The following AFG3L2 variants were observed in gnomAD, a reference collection of about 807,000 sequenced individuals.
AFG3L2 encodes the protein mitochondrial inner membrane m-AAA protease component AFG3L2.
In AFG3L2, 54 loss-of-function variants were observed where a neutral mutation model predicts 94.5. The ratio of observed to expected loss-of-function variants is 0.57; its 90% CI spans 0.46 to 0.72. The LOEUF (loss-of-function observed/expected upper bound fraction) is 0.72. AFG3L2 is among the 30% of genes least tolerant of loss of function. The pLI is 0.00. For missense variants in AFG3L2, 754 were observed against 994.9 expected (o/e 0.76, Z 3.26); for synonymous variants, 377 against 365.5 (o/e 1.03, Z -0.36).
intron 7 of AFG3L2, among the ~76,000 whole-genome samples, 180 bp downstream of exon 7, chr18:12,359,747 A>G (rs1326617635): frequency 6.6e-6 from 1 of 152,180 alleles, no homozygotes; most frequent in Non-Finnish European, 1.5e-5. Context: ...ACCTCAAAAA[A>G]AAAAGAAAAT....
intron 14 of AFG3L2, chr18:12,342,015 C>T (rs1178142463): frequency 6.6e-6 from 1 of 152,134 alleles, no homozygotes; most frequent in African/African-American, 2.4e-5. Context: ...TATAGGCGTT[C>T]ACCATCATGT....
Position 12,377,160 on chromosome 18 carries a change from G to T in AFG3L2, c.-78C>A, listed in dbSNP as rs1909190689. ...GACGACTGGCGGCCTCGGGAAGCGG[G>T]CTCGGCTCGGGGAAAGGCCGCCAGG... On this transcript the variant is annotated 5_prime_UTR_variant, in exon 1 of 17. Coordinates refer to ENST00000269143, the MANE Select transcript of AFG3L2 (RefSeq NM_006796.3). 8.6e-7 allele frequency: 1 copy of T among 1,159,664 alleles called. No homozygotes were observed. The highest frequency in any genetic ancestry group is 1.2e-6 in the Non-Finnish European group (1 of 858,852). 71.8% of individuals were successfully genotyped at this position (1,159,664 alleles called of 1,614,324 possible).
chr18:12,344,797 C>T (rs1026205507), intron 13 of AFG3L2, among the ~76,000 whole-genome samples: 1 of 152,142 alleles, frequency 6.6e-6, no homozygotes, highest in East Asian at 1.9e-4. Flanking sequence ...AATGCACTCA[C>T]TCCCCCATCC....
chr18:12,362,722 G>A (rs1268836227), intron 6 of AFG3L2, among the ~76,000 whole-genome samples: 2 of 143,876 alleles, frequency 1.4e-5, no homozygotes, highest in Non-Finnish European at 2.9e-5. Context: ...TTAACCCTGT[G>A]CCTGACATGG....
chr18:12,361,265 G>C (rs1908651745), intron 6 of AFG3L2, among the ~76,000 whole-genome samples: 1 of 152,106 alleles, frequency 6.6e-6, no homozygotes, highest in African/African-American at 2.4e-5. Flanking sequence ...AGCTACTTGG[G>C]AGGCATGAAC....
At chr18:12,365,938 A>C (rs996004221) in intron 5 of AFG3L2, among the ~76,000 whole-genome samples, 17 of 142,614 alleles carry the variant, frequency 1.2e-4, no homozygotes, top group African/African-American at 4.6e-4. Flanking sequence ...GCAGTGGTGC[A>C]ATCTCGGCTC....
chr18:12,329,387 G>C lies in AFG3L2; in HGVS notation c.*178C>G, dbSNP rs1018485794. On this transcript the variant is annotated 3_prime_UTR_variant, in exon 17 of 17. Transcript: ENST00000269143. ...CCTCAAGGCCTCCGGAAAGTCACCT[G>C]CCACCCACTGTGACCTCTGAGGCTG... 6 of 715,706 alleles carry C rather than the reference G, an allele frequency of 8.4e-6. No homozygotes were observed. In the African/African-American group the frequency reaches 8.8e-5, roughly 10 times the overall value. 44.3% of individuals were successfully genotyped at this position (715,706 alleles called of 1,614,324 possible).
intron 1 of AFG3L2, 88 bp from the exon 2 acceptor site, chr18:12,371,779 A>C: frequency 9.3e-7 from 1 of 1,072,516 alleles, no homozygotes; most frequent in East Asian, 2.6e-5. Context: ...AGTAGATGAA[A>C]GGTCTCTCTC....
chr18:12,374,653 T>G (rs1340486602), intron 1 of AFG3L2, among the ~76,000 whole-genome samples: 1 of 152,178 alleles, frequency 6.6e-6, no homozygotes, highest in East Asian at 1.9e-4. Context: ...GGGACAATAG[T>G]GTCACTCAAA....
At chr18:12,336,925 C>G (rs1038036416) in intron 16 of AFG3L2, among the ~76,000 whole-genome samples, 1 of 152,150 alleles carries the variant, frequency 6.6e-6, no homozygotes, top group Non-Finnish European at 1.5e-5. Context: ...TACCAATTTC[C>G]TACTTAGCAG....
At chr18:12,371,986 ATGTT>A (rs1909005939) in intron 1 of AFG3L2, among the ~76,000 whole-genome samples, 1 of 152,222 alleles carries the variant, frequency 6.6e-6, no homozygotes, top group East Asian at 1.9e-4. Flanking sequence ...CACTTTGATG[ATGTT>A]TGTTTAATTT....
chr18:12,337,484 G>C lies in AFG3L2; in HGVS notation c.2032C>G (p.Pro678Ala). ...EKVGQISFDL[P>A]RQGDMVLEKP... Reference sequence around the variant, plus strand: ...TCCAATACCATGTCCCCCTGACGTGGGAGGTCAAAGGAGATTTGCCCAACC... The same window carrying C: ...TCCAATACCATGTCCCCCTGACGTGCGAGGTCAAAGGAGATTTGCCCAACC... Residue 678 changes from proline to alanine, a missense_variant, in exon 16 of 17, where the codon CCA (proline) becomes GCA (alanine). Physicochemically the swap from Pro to Ala is conservative, Grantham distance 27 (BLOSUM62 -1). This residue lies in a region of AFG3L2 where 279 missense variants were observed against 378.6 expected (regional missense o/e 0.74). Coordinates refer to ENST00000269143, the MANE Select transcript of AFG3L2 (RefSeq NM_006796.3). 1 of 1,614,214 alleles carries C rather than the reference G, an allele frequency of 6.2e-7. No individual in the cohort carries two copies. Among genetic ancestry groups the C allele is most frequent in the Non-Finnish European group, 8.5e-7 (1 of 1,180,040 alleles).
chr18:12,366,022 G>A (rs747483317), intron 5 of AFG3L2, among the ~76,000 whole-genome samples: 126 of 151,898 alleles, frequency 8.3e-4, no homozygotes, highest in Non-Finnish European at 1.5e-3. Context: ...CTACAGGCAC[G>A]TGCCACCACA....
At chr18:12,370,767 CTT>C in intron 3 of AFG3L2, 80 bp downstream of exon 3, 1 of 990,750 alleles carries the variant, frequency 1.0e-6, no homozygotes, top group Middle Eastern at 2.1e-4. Context: ...CCTGATAACT[CTT>C]TTCTTTGTTC....
At position 12,337,456 on chromosome 18, in the gene AFG3L2, T is replaced by G; in HGVS notation, c.2060A>C (p.Lys687Thr). The change falls in exon 16 of 17, where the codon AAA becomes ACA. Residue 687 changes from lysine to threonine, a missense_variant. Lys to Thr is a moderately conservative substitution (Grantham distance 78, BLOSUM62 -1). Coordinates refer to ENST00000269143, the MANE Select transcript of AFG3L2 (RefSeq NM_006796.3). Reference protein sequence around the residue: ...LPRQGDMVLEKPYSEATARLI... With the variant: ...LPRQGDMVLETPYSEATARLI... Reference sequence around the variant, plus strand: ...TCTTGCAGTGGCTTCACTGTAAGGTTTCTCCAATACCATGTCCCCCTGACG... The same window carrying G: ...TCTTGCAGTGGCTTCACTGTAAGGTGTCTCCAATACCATGTCCCCCTGACG... The G allele has an allele frequency of 1.2e-6, 2 of 1,614,238 alleles. No individual in the cohort carries two copies. Among genetic ancestry groups the G allele is most frequent in the Non-Finnish European group, 1.7e-6 (2 of 1,180,032 alleles).
At chr18:12,344,071 G>A (rs2143139662) in intron 14 of AFG3L2, 61 bp downstream of exon 14, 2 of 1,402,156 alleles carry the variant, frequency 1.4e-6, no homozygotes, top group Non-Finnish European at 2.0e-6. Flanking sequence ...CTTCTTGAGT[G>A]ACTGCAGCGA....
chr18:12,366,726 T>G (rs1399992013), intron 5 of AFG3L2, among the ~76,000 whole-genome samples: 1 of 152,162 alleles, frequency 6.6e-6, no homozygotes, highest in African/African-American at 2.4e-5. Flanking sequence ...GAAGCAGTGG[T>G]TCCAAAACCC....
chr18:12,339,770 A>G (rs1907882753), intron 15 of AFG3L2, among the ~76,000 whole-genome samples: 1 of 150,308 alleles, frequency 6.7e-6, no homozygotes, highest in African/African-American at 2.5e-5. Context: ...AATGGTGTGA[A>G]CCTGGGAGGC....
At chr18:12,333,376 T>A (rs915350281) in intron 16 of AFG3L2, among the ~76,000 whole-genome samples, 1 of 141,170 alleles carries the variant, frequency 7.1e-6, no homozygotes, top group South Asian at 2.2e-4. Flanking sequence ...TTTTTCCCCC[T>A]GAAACAGGGT....
Sources: gnomAD v4.1 joint callset for allele counts (sites outside exome capture counted in the v4.1 genomes callset) on GRCh38, gnomAD v4.1.1 for gene constraint, gnomAD v4.1.1 regional missense constraint, MANE v1.5 for transcripts, NCBI Gene and HGNC (gene_info 2026-07-23, HGNC 2026-07-21) for gene names.